Variants in ARID1B observed in about 807,000 individuals in gnomAD.
ARID1B encodes the protein AT-rich interactive domain-containing protein 1B.
ARID1B carries 30 observed loss-of-function variants against 212.3 expected under a neutral mutation model. That is an observed-to-expected ratio of 0.14 (90% CI 0.11 to 0.19). The LOEUF is 0.19. ARID1B is among the 10% of genes least tolerant of loss of function. ARID1B has a pLI of 1.00. For synonymous variants in ARID1B, 1,402 were observed against 1,301.7 expected, an observed-to-expected ratio of 1.08 and a Z score of -1.66; for missense variants, 2,891 against 3,204.0, an observed-to-expected ratio of 0.90 and a Z score of 2.36.
chr6:157,138,054 A>G (rs1789058661), intron 7 of ARID1B, among the ~76,000 whole-genome samples: 2 of 152,190 alleles, frequency 1.3e-5, no homozygotes, highest in South Asian at 4.1e-4. Context: ...TTACACAGCA[A>G]TACTCTTAAA....
chr6:156,870,596 A>G (rs1786050690), intron 2 of ARID1B: 1 of 152,216 alleles, frequency 6.6e-6, no homozygotes, highest in African/African-American at 2.4e-5. Flanking sequence ...TGCGGATTGA[A>G]GAGCTTGCTT....
intron 2 of ARID1B, among the ~76,000 whole-genome samples, chr6:156,900,698 A>G (rs1039010292): frequency 1.1e-4 from 17 of 152,324 alleles, no homozygotes; most frequent in East Asian, 3.9e-4. Context: ...CCTGTAAACA[A>G]TGCTTTCAGG....
At chr6:157,030,867 A>G (rs970527436) in intron 4 of ARID1B, among the ~76,000 whole-genome samples, 2 of 152,166 alleles carry the variant, frequency 1.3e-5, no homozygotes, top group Non-Finnish European at 2.9e-5. Flanking sequence ...TTCATTTCCA[A>G]TACATTCAGA....
chr6:157,011,205 A>G (rs1486834927), intron 4 of ARID1B, among the ~76,000 whole-genome samples: 2 of 152,244 alleles, frequency 1.3e-5, no homozygotes, highest in Non-Finnish European at 2.9e-5. Flanking sequence ...CCATATTGTC[A>G]TTAAAGCATG....
chr6:156,811,550 G>A (rs1051725860), intron 1 of ARID1B, among the ~76,000 whole-genome samples: 3 of 152,114 alleles, frequency 2.0e-5, no homozygotes, highest in Non-Finnish European at 4.4e-5. Context: ...CCTCTTCCCT[G>A]GGCTTTTAGG....
intron 2 of ARID1B, among the ~76,000 whole-genome samples, chr6:156,836,685 C>T (rs754280367): frequency 6.6e-6 from 1 of 151,946 alleles, no homozygotes; most frequent in Non-Finnish European, 1.5e-5. Flanking sequence ...GTTTGTTTGA[C>T]ATGGGGTCCT....
intron 2 of ARID1B, among the ~76,000 whole-genome samples, chr6:156,849,859 A>G (rs948349962): frequency 2.0e-5 from 3 of 152,000 alleles, no homozygotes; most frequent in African/African-American, 7.3e-5. Context: ...TTGAAGGACA[A>G]TTGTTCACTT....
rs1249958496 is a variant in ARID1B at position 157,020,621 on chromosome 6, G to C, written c.2248-64041G>C. On this transcript the variant is annotated intron_variant, in intron 4 of 19. Transcript: ENST00000636930. Reference sequence around the variant, plus strand: ...ATCACATAAACAACAGCCTAGCTTGGTCATTTCTCCTACTCAGATCGCGAG... The same window carrying C: ...ATCACATAAACAACAGCCTAGCTTGCTCATTTCTCCTACTCAGATCGCGAG... Among the ~76,000 whole-genome samples, 174 of 152,254 alleles carry C rather than the reference G, an allele frequency of 1.1e-3. 1 individual carries two copies. Among genetic ancestry groups the C allele is most frequent in the African/African-American group, 4.0e-3 (168 of 41,534 alleles).
At chr6:157,081,151 A>G (rs753294974) in intron 4 of ARID1B, among the ~76,000 whole-genome samples, 2 of 152,212 alleles carry the variant, frequency 1.3e-5, no homozygotes, top group African/African-American at 4.8e-5. Context: ...ACTGCCTGCA[A>G]TTACCTCACC....
At chr6:157,012,784 G>A (rs1779691663) in intron 4 of ARID1B, among the ~76,000 whole-genome samples, 1 of 152,216 alleles carries the variant, frequency 6.6e-6, no homozygotes, top group Non-Finnish European at 1.5e-5. Flanking sequence ...TAATACTGCA[G>A]ATTAACAATG....
At chr6:157,116,507 G>A (rs1275756424) in intron 6 of ARID1B, among the ~76,000 whole-genome samples, 2 of 148,520 alleles carry the variant, frequency 1.3e-5, no homozygotes, top group East Asian at 3.9e-4. Flanking sequence ...GACTTTCCTA[G>A]TGTAATCCCA....
chr6:156,912,177 C>G lies in ARID1B; in HGVS notation c.2136+10652C>G, dbSNP rs1005106679. On this transcript the variant is annotated intron_variant, in intron 3 of 19. Transcript: ENST00000636930. Reference sequence around the variant, plus strand: ...CCATTCCGGTGGCAGACTAGGTGCTCTCAATGTCTCTATTGATCAAAATAT... The same window carrying G: ...CCATTCCGGTGGCAGACTAGGTGCTGTCAATGTCTCTATTGATCAAAATAT... Among the ~76,000 whole-genome samples the G allele has an allele frequency of 7.9e-5, 12 of 151,908 alleles. No individual in the cohort carries two copies. In the South Asian group the frequency reaches 2.5e-3, roughly 32 times the overall value.
intron 2 of ARID1B, among the ~76,000 whole-genome samples, chr6:156,874,385 A>G (rs1786380960): frequency 6.6e-6 from 1 of 152,148 alleles, no homozygotes; most frequent in African/African-American, 2.4e-5. Context: ...TTGTTTTAAT[A>G]TCCTGGAGTA....
rs1296164311 is a variant in ARID1B at position 157,039,878 on chromosome 6, T to TCCTTCCTTCCTTCCTTCCTTCCTTCC, written c.2248-44784_2248-44783insCCTTCCTTCCTTCCTTCCTTCCTTCC. On this transcript the variant is annotated intron_variant, in intron 4 of 19. Coordinates refer to ENST00000636930, the MANE Select transcript of ARID1B (RefSeq NM_001374828.1). ...TCTCTTTCTCTCTCTTTCTCTTTCT[T>TCCTTCCTTCCTTCCTTCCTTCCTTCC]TTCTCTTCCTTCCTTCCTTCCTTCC... is the stretch of plus-strand genomic sequence containing the variant. 8.7e-5 allele frequency among the ~76,000 whole-genome samples: 8 copies of TCCTTCCTTCCTTCCTTCCTTCCTTCC among 92,010 alleles called. 1 individual carries two copies. Among genetic ancestry groups the TCCTTCCTTCCTTCCTTCCTTCCTTCC allele is most frequent in the Admixed American group, 1.1e-4 (1 of 9,014 alleles). 60.4% of individuals were successfully genotyped at this position (92,010 alleles called of 152,430 possible).
chr6:156,902,573 T>C (rs287945), intron 3 of ARID1B, among the ~76,000 whole-genome samples: 37,325 of 151,788 alleles, frequency 0.25, 4,995 homozygotes, highest in Middle Eastern at 0.31. Context: ...GAGTTTATGA[T>C]TTGAAGCAAA....
intron 1 of ARID1B, among the ~76,000 whole-genome samples, chr6:156,811,424 T>G (rs1362412086): frequency 6.6e-6 from 1 of 152,176 alleles, no homozygotes; most frequent in Non-Finnish European, 1.5e-5. Context: ...TAGCAGTGGT[T>G]TCTGTTGGTC....
intron 4 of ARID1B, among the ~76,000 whole-genome samples, chr6:156,971,176 C>T (rs1776896516): frequency 6.6e-6 from 1 of 152,166 alleles, no homozygotes; most frequent in Admixed American, 6.5e-5. Flanking sequence ...TGAATTCATA[C>T]ATTCTTGTTT....
intron 2 of ARID1B, among the ~76,000 whole-genome samples, chr6:156,863,485 T>A (rs898421869): frequency 2.0e-5 from 3 of 152,018 alleles, no homozygotes; most frequent in Non-Finnish European, 4.4e-5. Flanking sequence ...GATGATAAGT[T>A]TGGTTTTGGA....
intron 4 of ARID1B, among the ~76,000 whole-genome samples, chr6:157,057,405 A>G (rs192689983): frequency 6.6e-6 from 1 of 150,522 alleles, no homozygotes; most frequent in Admixed American, 6.7e-5. Context: ...AATCTTTTCA[A>G]TTATGTTTGC....
Sources: gnomAD v4.1 joint callset for allele counts (sites outside exome capture counted in the v4.1 genomes callset) on GRCh38, gnomAD v4.1.1 for gene constraint, MANE v1.5 for transcripts, NCBI Gene and HGNC (gene_info 2026-07-23, HGNC 2026-07-21) for gene names.